The following STPG2 variants were observed in gnomAD, a reference collection of about 807,000 sequenced individuals.
STPG2 encodes sperm tail PG-rich repeat containing 2, also known as sperm-tail PG-rich repeat-containing protein 2.
STPG2 carries 56 observed loss-of-function variants against 54.2 expected under a neutral mutation model. That is an observed-to-expected ratio of 1.03 (90% CI 0.83 to 1.29). The LOEUF is 1.29. Ranked by LOEUF, STPG2 falls within the 50% of genes most tolerant of loss-of-function variation. The pLI is 0.00. For synonymous variants in STPG2, 200 were observed against 181.8 expected (o/e 1.10, Z -0.81); for missense variants, 596 against 544.9 (o/e 1.09, Z -0.93).
At position 97,456,912 on chromosome 4, in the gene STPG2, T is replaced by TA. The variant is rs1166086887; in HGVS notation, c.462+255786dup. 8.4e-3 allele frequency among the ~76,000 whole-genome samples: 812 copies of TA among 97,176 alleles called. 9 individuals carry two copies. The highest frequency in any genetic ancestry group is 0.047 in the African/African-American group (661 of 14,126). 63.8% of individuals were successfully genotyped at this position (97,176 alleles called of 152,430 possible). A position where few individuals can be genotyped will look rare whatever the true frequency, so the allele number is the denominator to read the frequency against. ...GTCTCAAAAAAAAAAAAAAGAAAATTAAAAAAAAAAAAAAGATGGGTAAAA... is the reference window on the plus strand; with the variant it reads ...GTCTCAAAAAAAAAAAAAAGAAAATTAAAAAAAAAAAAAAAGATGGGTAAAA... On this transcript the variant is annotated intron_variant, in intron 4 of 4. Transcript: ENST00000522676.
intron 3 of STPG2, 132 bp downstream of exon 3, chr4:98,128,295 AC>A: frequency 1.2e-6 from 1 of 822,532 alleles, no homozygotes. Flanking sequence ...TCTATTTGTT[AC>A]CACAATTAGT....
At chr4:97,474,426 A>T (rs945541714) in intron 4 of STPG2, among the ~76,000 whole-genome samples, 2 of 152,182 alleles carry the variant, frequency 1.3e-5, no homozygotes, top group African/African-American at 4.8e-5. Context: ...TGGTCATTTT[A>T]TCACTAGTAT....
chr4:97,812,365 T>A (rs912132392), intron 9 of STPG2, among the ~76,000 whole-genome samples: 1 of 152,130 alleles, frequency 6.6e-6, no homozygotes, highest in African/African-American at 2.4e-5. Flanking sequence ...GACTATTCTC[T>A]AAGCATTTCC....
At chr4:97,717,393 T>C (rs1429901769) in intron 9 of STPG2, among the ~76,000 whole-genome samples, 1 of 152,182 alleles carries the variant, frequency 6.6e-6, no homozygotes, top group Non-Finnish European at 1.5e-5. Context: ...TTTAATGCAC[T>C]CCAAACTAAG....
In STPG2 at chr4:98,067,226, A is replaced by C. The variant is rs181300637; in HGVS notation, c.612+38727T>G. Among the ~76,000 whole-genome samples, 186 of 152,322 alleles carry C rather than the reference A, an allele frequency of 1.2e-3. 1 individual carries two copies. The highest frequency in any genetic ancestry group is 4.3e-3 in the African/African-American group (180 of 41,588). ...GTATATGTGGTTATTAGAGAGAGGT[A>C]GGCTTTTTACAGAAAGCAATGCTGG... On this transcript the variant is annotated intron_variant, in intron 5 of 10. Coordinates refer to ENST00000295268, the MANE Select transcript of STPG2 (RefSeq NM_174952.3).
At chr4:97,478,871 ATATGTG>A (rs1331045163) in intron 4 of STPG2, among the ~76,000 whole-genome samples, 200 of 125,220 alleles carry the variant, frequency 1.6e-3, no homozygotes, top group African/African-American at 5.8e-3. Flanking sequence ...ACCAAGCCAA[ATATGTG>A]TGTGTGTGTG....
At chr4:97,532,162 C>G (rs1731428974) in intron 4 of STPG2, among the ~76,000 whole-genome samples, 1 of 152,088 alleles carries the variant, frequency 6.6e-6, no homozygotes, top group African/African-American at 2.4e-5. Context: ...GTTAAATAGA[C>G]TTTTATGTTA....
chr4:97,488,175 A>C (rs1414072884), intron 4 of STPG2, among the ~76,000 whole-genome samples: 1 of 151,702 alleles, frequency 6.6e-6, no homozygotes, highest in Non-Finnish European at 1.5e-5. Flanking sequence ...ATCAAAATAA[A>C]TGAACCAAAT....
intron 7 of STPG2, among the ~76,000 whole-genome samples, chr4:97,951,842 T>A (rs1015013711): frequency 6.6e-6 from 1 of 152,074 alleles, no homozygotes; most frequent in African/African-American, 2.4e-5. Context: ...GGGAAGAAAC[T>A]GGTTGTGATT....
chr4:97,524,606 T>C (rs1324717118), intron 4 of STPG2, among the ~76,000 whole-genome samples: 3 of 151,998 alleles, frequency 2.0e-5, no homozygotes, highest in Admixed American at 6.6e-5. Flanking sequence ...CTTATTTTTA[T>C]GGCATTTGAA....
intron 4 of STPG2, among the ~76,000 whole-genome samples, chr4:97,527,231 T>C (rs932727043): frequency 6.6e-6 from 1 of 152,100 alleles, no homozygotes; most frequent in African/African-American, 2.4e-5. Context: ...CTCCCACTTA[T>C]GAGTGAGAAC....
chr4:97,808,228 A>G (rs1039896533), intron 9 of STPG2, among the ~76,000 whole-genome samples: 2 of 152,020 alleles, frequency 1.3e-5, no homozygotes, highest in African/African-American at 2.4e-5. Flanking sequence ...GGGCAAATCT[A>G]TATGACAATT....
intron 10 of STPG2, among the ~76,000 whole-genome samples, chr4:97,611,002 T>C (rs1161627835): frequency 2.0e-5 from 3 of 152,074 alleles, no homozygotes; most frequent in African/African-American, 7.2e-5. Context: ...TAAGATATTT[T>C]AAAATTTGAA....
At chr4:98,009,630 T>G (rs1290306698) in intron 5 of STPG2, among the ~76,000 whole-genome samples, 1 of 141,852 alleles carries the variant, frequency 7.0e-6, no homozygotes, top group Admixed American at 7.0e-5. Flanking sequence ...CAATGTTTCC[T>G]TACTGAATTT....
At chr4:97,444,478 A>G (rs868647376) in intron 4 of STPG2, among the ~76,000 whole-genome samples, 2 of 152,310 alleles carry the variant, frequency 1.3e-5, no homozygotes, top group Middle Eastern at 3.4e-3. Flanking sequence ...CAATAGAATG[A>G]CATTTTGTAA....
At chr4:98,110,341 C>T (rs553539885) in intron 3 of STPG2, among the ~76,000 whole-genome samples, 13 of 152,168 alleles carry the variant, frequency 8.5e-5, no homozygotes, top group African/African-American at 3.1e-4. Context: ...TCAGGAGTTG[C>T]GCGAATGGGC....
At chr4:97,677,246 G>C (rs941596161) in intron 10 of STPG2, among the ~76,000 whole-genome samples, 40 of 152,072 alleles carry the variant, frequency 2.6e-4, no homozygotes, top group Admixed American at 2.6e-3. Context: ...CTCTAAAATG[G>C]TTTGATGTAT....
chr4:98,041,511 A>G (rs1207367417), intron 5 of STPG2, among the ~76,000 whole-genome samples: 1 of 151,884 alleles, frequency 6.6e-6, no homozygotes, highest in African/African-American at 2.4e-5. Flanking sequence ...TGTTCCTTCT[A>G]TGCCTAGTTT....
chr4:97,696,477 G>A (rs1032984529), intron 10 of STPG2, among the ~76,000 whole-genome samples: 4 of 152,182 alleles, frequency 2.6e-5, no homozygotes, highest in African/African-American at 4.8e-5. Context: ...AAGACTTCAC[G>A]ACTAAGAACA....
Sources: gnomAD v4.1 joint callset for allele counts (sites outside exome capture counted in the v4.1 genomes callset) on GRCh38, gnomAD v4.1.1 for gene constraint, MANE v1.5 for transcripts, NCBI Gene and HGNC (gene_info 2026-07-23, HGNC 2026-07-21) for gene names.